FAT3: variants seen among roughly 807,000 people sequenced by gnomAD.
FAT3 encodes FAT atypical cadherin 3.
A neutral mutation model predicts 310.2 loss-of-function variants in FAT3; 95 were observed. The observed-to-expected ratio is 0.31, with a 90% CI of 0.26 to 0.36. The LOEUF (loss-of-function observed/expected upper bound fraction) is 0.36, where lower values mean the gene tolerates loss of function less well. FAT3 is among the 10% of genes least tolerant of loss of function. The pLI, the probability that FAT3 is intolerant of heterozygous loss-of-function variation, is 1.00. For missense variants in FAT3, 5,408 were observed against 5,715.6 expected, an observed-to-expected ratio of 0.95 and a Z score of 1.74; for synonymous variants, 2,314 against 2,192.9, an observed-to-expected ratio of 1.06 and a Z score of -1.54.
intron 2 of FAT3, among the ~76,000 whole-genome samples, chr11:92,463,113 A>C (rs180881191): frequency 6.6e-6 from 1 of 152,346 alleles, no homozygotes; most frequent in East Asian, 1.9e-4. Context: ...TGCTAGAGTG[A>C]GAAGTTTATT....
chr11:92,598,124 A>G (rs373307799), intron 3 of FAT3, among the ~76,000 whole-genome samples: 1 of 151,720 alleles, frequency 6.6e-6, no homozygotes, highest in African/African-American at 2.4e-5. Context: ...AATCAGACAC[A>G]TAGTACTTAA....
At chr11:92,638,328 G>A (rs959540975) in intron 3 of FAT3, among the ~76,000 whole-genome samples, 7 of 152,122 alleles carry the variant, frequency 4.6e-5, no homozygotes, top group African/African-American at 1.7e-4. Context: ...AGCAGTCAGA[G>A]GCCTTTTAGG....
At chr11:92,461,644 T>A (rs2135111226) in intron 2 of FAT3, among the ~76,000 whole-genome samples, 1 of 152,162 alleles carries the variant, frequency 6.6e-6, no homozygotes, top group African/African-American at 2.4e-5. Context: ...GGACACTGTG[T>A]GAAGACCTAA....
chr11:92,428,992 A>G (rs1950702671), intron 2 of FAT3, among the ~76,000 whole-genome samples: 1 of 152,116 alleles, frequency 6.6e-6, no homozygotes, highest in Non-Finnish European at 1.5e-5. Flanking sequence ...TAAAGTCCCC[A>G]CTATTATTGT....
intron 3 of FAT3, among the ~76,000 whole-genome samples, chr11:92,621,478 A>G (rs898215749): frequency 2.6e-5 from 4 of 152,172 alleles, no homozygotes; most frequent in African/African-American, 9.7e-5. Flanking sequence ...CAACTAGATC[A>G]ATTTTTTGGA....
At chr11:92,578,382 G>A (rs1938603996) in intron 3 of FAT3, among the ~76,000 whole-genome samples, 1 of 151,992 alleles carries the variant, frequency 6.6e-6, no homozygotes, top group African/African-American at 2.4e-5. Flanking sequence ...GGAAACACTA[G>A]TGTACTCCCT....
At chr11:92,698,349 G>A (rs951214372) in intron 4 of FAT3, among the ~76,000 whole-genome samples, 1 of 152,024 alleles carries the variant, frequency 6.6e-6, no homozygotes, top group African/African-American at 2.4e-5. Context: ...CTTTAAATTA[G>A]CTCACCAGTC....
In FAT3 at chr11:92,433,029, C is replaced by T. The variant is rs1395401846; in HGVS notation, c.3292+77625C>T. Among the ~76,000 whole-genome samples, 4 of 152,188 alleles carry T rather than the reference C, an allele frequency of 2.6e-5. 1 individual carries two copies. Among genetic ancestry groups the T allele is most frequent in the Non-Finnish European group, 5.9e-5 (4 of 68,034 alleles). On this transcript the variant is annotated intron_variant, in intron 2 of 27. Coordinates refer to ENST00000525166, the MANE Select transcript of FAT3 (RefSeq NM_001367949.2). ...CTGAACTTTGCAGCAGCTTTATTTA[C>T]ACCGTGAAGGGAAAACCACCTACTG...
Position 92,806,457 on chromosome 11 carries a change from TATACGATA to T in FAT3, c.9190_9197del (p.Ile3064LeufsTer9). Reference sequence around the variant, plus strand: ...ATGCTGATATTGGATCCAATGGATATATACGATACTCACTCTATGGATCTGGAAACAGT... The same window carrying T: ...ATGCTGATATTGGATCCAATGGATATCTCACTCTATGGATCTGGAAACAGT... On this transcript the variant is annotated frameshift_variant, in exon 12 of 28. Coordinates refer to ENST00000525166, the MANE Select transcript of FAT3 (RefSeq NM_001367949.2). LOFTEE classifies it high-confidence loss of function. The T allele has an allele frequency of 1.9e-6, 3 of 1,577,232 alleles. No individual in the cohort carries two copies. Among genetic ancestry groups the T allele is most frequent in the Non-Finnish European group, 2.6e-6 (3 of 1,159,466 alleles).
At chr11:92,433,369 C>A (rs1950842320) in intron 2 of FAT3, among the ~76,000 whole-genome samples, 1 of 152,284 alleles carries the variant, frequency 6.6e-6, no homozygotes, top group South Asian at 2.1e-4. Context: ...GGTGTAGGCA[C>A]CCAAGGGAAC....
intron 3 of FAT3, among the ~76,000 whole-genome samples, chr11:92,684,012 C>T (rs917966570): frequency 6.6e-6 from 1 of 152,184 alleles, no homozygotes; most frequent in East Asian, 1.9e-4. Flanking sequence ...ATTACAACCA[C>T]AGTAGCATTG....
chr11:92,570,011 AG>A (rs1323504295), intron 3 of FAT3, among the ~76,000 whole-genome samples: 1 of 152,164 alleles, frequency 6.6e-6, no homozygotes, highest in Admixed American at 6.5e-5. Context: ...CTCTGACAGC[AG>A]GGTCTCTGAA....
intron 2 of FAT3, among the ~76,000 whole-genome samples, chr11:92,404,096 C>T (rs915167658): frequency 2.0e-5 from 3 of 151,642 alleles, no homozygotes; most frequent in African/African-American, 7.3e-5. Flanking sequence ...TATATCCTAC[C>T]CTGAAGAGAA....
At chr11:92,848,753 A>G (rs1948747114) in intron 19 of FAT3, among the ~76,000 whole-genome samples, 1 of 152,250 alleles carries the variant, frequency 6.6e-6, no homozygotes, top group South Asian at 2.1e-4. Context: ...TGCGATGTAC[A>G]GAAATGAGTC....
At chr11:92,343,805 T>C (rs1005437640) in intron 1 of FAT3, among the ~76,000 whole-genome samples, 4 of 152,162 alleles carry the variant, frequency 2.6e-5, no homozygotes, top group Non-Finnish European at 4.4e-5. Flanking sequence ...CCCTATGATA[T>C]GGTGTAGGAG....
Position 92,312,836 on chromosome 11 carries a change from G to A in FAT3, c.-17-39260G>A, listed in dbSNP as rs181006483. On this transcript the variant is annotated intron_variant, in intron 1 of 27. Coordinates refer to ENST00000525166, the MANE Select transcript of FAT3 (RefSeq NM_001367949.2). ...AAGTGCTTGTTTTTCCCATCAAAGCGTCTTTCCTTTGGTACCTTCGCTAGT... is the reference window on the plus strand; with the variant it reads ...AAGTGCTTGTTTTTCCCATCAAAGCATCTTTCCTTTGGTACCTTCGCTAGT... Among the ~76,000 whole-genome samples, 551 of 152,224 alleles carry A rather than the reference G, an allele frequency of 3.6e-3. 2 individuals are homozygous for A. Among genetic ancestry groups the A allele is most frequent in the African/African-American group, 0.01 (429 of 41,560 alleles).
At chr11:92,534,144 G>T (rs1591414330) in intron 3 of FAT3, among the ~76,000 whole-genome samples, 1 of 152,090 alleles carries the variant, frequency 6.6e-6, no homozygotes, top group Non-Finnish European at 1.5e-5. Context: ...CTGCTGGGCT[G>T]TGTGTCCCTT....
intron 1 of FAT3, among the ~76,000 whole-genome samples, chr11:92,315,512 T>TATATATAGAG (rs1353970811): frequency 1.1e-3 from 60 of 56,158 alleles, no homozygotes; most frequent in Non-Finnish European, 1.5e-3. Flanking sequence ...TATATATATA[T>TATATATAGAG]AGAGAGAGAG....
rs1472951852 is a variant in FAT3 at position 92,799,640 on chromosome 11, T to C, written c.6627T>C (p.Asn2209=). 2 of 1,613,820 alleles carry C rather than the reference T, an allele frequency of 1.2e-6. No individual in the cohort carries two copies. Among genetic ancestry groups the C allele is most frequent in the South Asian group, 1.1e-5 (1 of 91,064 alleles). ...IRMNTPILSI[N]ATSPEGQGII... is the part of the protein sequence containing the mutation. ...TGAACACACCCATCCTAAGCATCAA[T>C]GCCACCAGTCCAGAAGGCCAAGGCA... Residue 2209 remains asparagine (N), a synonymous_variant, in exon 10 of 28, where the codon AAT becomes AAC. Coordinates refer to ENST00000525166, the MANE Select transcript of FAT3 (RefSeq NM_001367949.2).
Sources: gnomAD v4.1 joint callset for allele counts (sites outside exome capture counted in the v4.1 genomes callset) on GRCh38, gnomAD v4.1.1 for gene constraint, MANE v1.5 for transcripts, NCBI Gene and HGNC (gene_info 2026-07-23, HGNC 2026-07-21) for gene names.